MAML3: variants seen among roughly 807,000 people sequenced by gnomAD.
MAML3 encodes mastermind-like protein 3.
Under a neutral mutation model 101.9 loss-of-function variants are expected in MAML3, and 27 were observed. The ratio of observed to expected loss-of-function variants is 0.27; its 90% CI spans 0.20 to 0.37. The LOEUF (loss-of-function observed/expected upper bound fraction) is 0.37. Ranked by LOEUF, MAML3 falls within the 10% of genes least tolerant of loss-of-function variation. The pLI, the probability that MAML3 is intolerant of heterozygous loss-of-function variation, is 1.00. For missense variants in MAML3, 1,316 were observed against 1,444.9 expected (o/e 0.91, Z 1.45); for synonymous variants, 501 against 555.9 (o/e 0.90, Z 1.39).
intron 2 of MAML3, chr4:139,731,026 A>G: frequency 3.8e-6 from 1 of 264,544 alleles, no homozygotes; most frequent in Non-Finnish European, 7.3e-6. Flanking sequence ...AGTCTGGAAC[A>G]CGAGACACAT....
At chr4:140,085,879 A>G (rs1338035169) in intron 1 of MAML3, among the ~76,000 whole-genome samples, 1 of 152,132 alleles carries the variant, frequency 6.6e-6, no homozygotes, top group African/African-American at 2.4e-5. Context: ...TAATTATTTT[A>G]TATCTGTGGC....
intron 1 of MAML3, among the ~76,000 whole-genome samples, chr4:140,141,275 C>A (rs899044898): frequency 1.9e-4 from 29 of 152,186 alleles, no homozygotes; most frequent in African/African-American, 6.8e-4. Context: ...ACTGATAGGA[C>A]TTCTCACTGT....
chr4:139,732,976 C>A (rs1019264708), intron 2 of MAML3, among the ~76,000 whole-genome samples: 1 of 152,182 alleles, frequency 6.6e-6, no homozygotes, highest in African/African-American at 2.4e-5. Context: ...TGCCAGGAAC[C>A]TTTGTGCTAC....
At chr4:140,060,132 G>A (rs1051709502) in intron 1 of MAML3, among the ~76,000 whole-genome samples, 4 of 152,018 alleles carry the variant, frequency 2.6e-5, no homozygotes, top group Non-Finnish European at 5.9e-5. Flanking sequence ...TTGGGAGGCT[G>A]AGGCGGGTGG....
chr4:140,146,024 C>T (rs1319161170), intron 1 of MAML3, among the ~76,000 whole-genome samples: 1 of 151,640 alleles, frequency 6.6e-6, no homozygotes, highest in Non-Finnish European at 1.5e-5. Context: ...CAGGCGTGTG[C>T]CACCATCCCC....
Position 139,787,579 on chromosome 4 carries a change from C to T in MAML3, c.2080-56912G>A, listed in dbSNP as rs1281596160. On this transcript the variant is annotated intron_variant, in intron 2 of 4. Transcript: ENST00000509479. Reference sequence around the variant, plus strand: ...ATCTCCTGTGATAACCCAAACTGGACACAGAATAGCACTAATGTTTTATAT... The same window carrying T: ...ATCTCCTGTGATAACCCAAACTGGATACAGAATAGCACTAATGTTTTATAT... 2.6e-5 allele frequency among the ~76,000 whole-genome samples: 4 copies of T among 152,184 alleles called. No individual in the cohort carries two copies. The South Asian group carries it at 6.2e-4, about 24-fold the overall frequency.
chr4:139,807,462 C>T (rs114058553), intron 2 of MAML3, among the ~76,000 whole-genome samples: 107 of 152,224 alleles, frequency 7.0e-4, no homozygotes, highest in African/African-American at 2.5e-3. Context: ...CTACACATGC[C>T]GGCCTGTTAA....
chr4:139,719,543 G>T lies in MAML3; in HGVS notation c.3197C>A (p.Ala1066Glu). ...GCTGCCACTGGGTATCTGCTGCTGT[G>T]CTGGGGGCTGGCTGAACGCTGGCAT... ...PGMPAFSQPP[A>E]QQQIPSGSFA... Residue 1066 changes from alanine (A) to glutamate (E), a missense_variant, in exon 5 of 5, where the codon GCA becomes GAA. By Grantham distance (107) the Ala-to-Glu change is moderately radical. Coordinates refer to ENST00000509479, the MANE Select transcript of MAML3 (RefSeq NM_018717.5). 1 of 1,613,860 alleles carries T rather than the reference G, an allele frequency of 6.2e-7. No homozygotes were observed.
chr4:139,908,981 T>C (rs1732869333), intron 1 of MAML3, among the ~76,000 whole-genome samples: 2 of 152,246 alleles, frequency 1.3e-5, no homozygotes, highest in Admixed American at 6.5e-5. Flanking sequence ...TTATGCGAAG[T>C]ACGCCCTGAA....
chr4:139,963,283 C>T (rs533043334), intron 1 of MAML3, among the ~76,000 whole-genome samples: 2 of 152,274 alleles, frequency 1.3e-5, no homozygotes, highest in Non-Finnish European at 2.9e-5. Context: ...AATAAACAAA[C>T]ACACAGACAA....
chr4:139,907,851 G>T (rs1319858332), intron 1 of MAML3, among the ~76,000 whole-genome samples: 1 of 152,202 alleles, frequency 6.6e-6, no homozygotes, highest in Non-Finnish European at 1.5e-5. Context: ...CACCGTGAAT[G>T]ATTTTGAGTA....
At chr4:140,101,012 G>A (rs1189150450) in intron 1 of MAML3, among the ~76,000 whole-genome samples, 2 of 152,142 alleles carry the variant, frequency 1.3e-5, no homozygotes, top group Non-Finnish European at 2.9e-5. Flanking sequence ...GCCCAGTGGG[G>A]AGCTCAGTCT....
rs923887038 is a variant in MAML3 at position 139,717,188 on chromosome 4, T to TA, written c.*2134dup. On this transcript the variant is annotated 3_prime_UTR_variant, in exon 5 of 5. Coordinates refer to ENST00000509479, the MANE Select transcript of MAML3 (RefSeq NM_018717.5). ...CAAAACCAAAACAAAACCACCATAT[T>TA]AAAATCTACCTATTAGTTGGTCCCA... is the stretch of plus-strand genomic sequence containing the variant. 9 of 152,684 alleles carry TA rather than the reference T, an allele frequency of 5.9e-5. No individual in the cohort carries two copies. The highest frequency in any genetic ancestry group is 3.4e-3 in the Middle Eastern group (1 of 294). The allele number at this position is 152,684 out of a possible 1,614,324, so 9.5% of individuals were successfully genotyped here.
chr4:139,902,663 C>T (rs916746723), intron 1 of MAML3, among the ~76,000 whole-genome samples: 1 of 152,196 alleles, frequency 6.6e-6, no homozygotes, highest in Admixed American at 6.5e-5. Context: ...CAGCAGAGCT[C>T]TGGAGCCTGG....
Position 140,061,134 on chromosome 4 carries a change from T to C in MAML3, c.468+91726A>G, listed in dbSNP as rs75395002. ...TGGATTGTCAAAGCTCTACTCATCT[T>C]CCCTTTATTTTTCCTGTTCCCTCAG... On this transcript the variant is annotated intron_variant, in intron 1 of 4. Coordinates refer to ENST00000509479, the MANE Select transcript of MAML3 (RefSeq NM_018717.5). Among the ~76,000 whole-genome samples, 28 of 152,310 alleles carry C rather than the reference T, an allele frequency of 1.8e-4. No individual in the cohort carries two copies. The East Asian group carries it at 4.2e-3, about 23-fold the overall frequency.
At chr4:139,928,270 A>T (rs1472247698) in intron 1 of MAML3, among the ~76,000 whole-genome samples, 1 of 152,202 alleles carries the variant, frequency 6.6e-6, no homozygotes, top group Admixed American at 6.5e-5. Flanking sequence ...TCATGGATTG[A>T]TTTGGAAATG....
At chr4:140,016,335 A>T (rs1726641471) in intron 1 of MAML3, among the ~76,000 whole-genome samples, 1 of 152,230 alleles carries the variant, frequency 6.6e-6, no homozygotes, top group South Asian at 2.1e-4. Flanking sequence ...TTGGAAGACA[A>T]CATAGTAAGA....
intron 1 of MAML3, among the ~76,000 whole-genome samples, chr4:140,017,251 C>T (rs1235546921): frequency 1.3e-5 from 2 of 152,162 alleles, no homozygotes; most frequent in Non-Finnish European, 2.9e-5. Context: ...CGCAATGAGA[C>T]ATCACTATAC....
chr4:140,130,829 T>A (rs934716229), intron 1 of MAML3, among the ~76,000 whole-genome samples: 21 of 152,304 alleles, frequency 1.4e-4, no homozygotes, highest in African/African-American at 5.1e-4. Context: ...GAGTTCCTCC[T>A]ATGAGTCAGA....
Sources: allele counts gnomAD v4.1 joint callset (sites outside exome capture counted in the v4.1 genomes callset), GRCh38; gene constraint gnomAD v4.1.1; transcripts MANE v1.5; gene names NCBI Gene and HGNC (gene_info 2026-07-23, HGNC 2026-07-21).